The following RETREG1 variants were observed in gnomAD, a reference collection of about 807,000 sequenced individuals.
The protein encoded by RETREG1 is reticulophagy regulator 1, also known as family with sequence similarity 134 member B.
RETREG1 carries 44 observed loss-of-function variants against 54.8 expected under a neutral mutation model. That is an observed-to-expected ratio of 0.80 (90% confidence interval 0.63 to 1.03). RETREG1 has a LOEUF of 1.03. Among genes scored for constraint, RETREG1 ranks in the 50% least tolerant of loss-of-function variants. The pLI, the probability that RETREG1 is intolerant of heterozygous loss-of-function variation, is 0.00. For synonymous variants in RETREG1, 217 were observed against 238.5 expected, an observed-to-expected ratio of 0.91 and a Z score of 0.83; for missense variants, 554 against 605.1, an observed-to-expected ratio of 0.92 and a Z score of 0.89.
chr5:16,611,842 A>G (rs1743350024), intron 1 of RETREG1, among the ~76,000 whole-genome samples: 1 of 152,228 alleles, frequency 6.6e-6, no homozygotes, highest in African/African-American at 2.4e-5. Flanking sequence ...AGGCAGGCAG[A>G]TCACCTGAGA....
chr5:16,591,848 GA>G (rs1742783750), intron 1 of RETREG1, among the ~76,000 whole-genome samples: 1 of 152,136 alleles, frequency 6.6e-6, no homozygotes, highest in African/African-American at 2.4e-5. Context: ...CAGGGAACAA[GA>G]ATAAAAGAAT....
At position 16,564,391 on chromosome 5, in the gene RETREG1, TGACAATGTA is replaced by T. The variant is rs1370064139; in HGVS notation, c.458+1363_458+1371del. Among the ~76,000 whole-genome samples, 37 of 152,308 alleles carry T rather than the reference TGACAATGTA, an allele frequency of 2.4e-4. No homozygotes were observed. In the South Asian group the frequency reaches 4.4e-3, roughly 18 times the overall value. On this transcript the variant is annotated intron_variant, in intron 3 of 8. Transcript: ENST00000306320. Reference sequence around the variant, plus strand: ...TTATTTAAATGATTTCCCTAAAAGATGACAATGTAGAAAAAGCACTTGGAGCATGAAGCA... The same window carrying T: ...TTATTTAAATGATTTCCCTAAAAGATGAAAAAGCACTTGGAGCATGAAGCA...
chr5:16,535,789 G>T (rs113288559), intron 3 of RETREG1, among the ~76,000 whole-genome samples: 717 of 134,596 alleles, frequency 5.3e-3, no homozygotes, highest in Middle Eastern at 0.022. Flanking sequence ...TTCACGAAGT[G>T]GGAGCTGGGG....
chr5:16,522,059 T>G (rs1445941800), intron 3 of RETREG1, among the ~76,000 whole-genome samples: 2 of 151,690 alleles, frequency 1.3e-5, no homozygotes, highest in Non-Finnish European at 2.9e-5. Context: ...AGAGATTGCC[T>G]CAGACACTGA....
chr5:16,493,981 A>G (rs1739349314), intron 3 of RETREG1, among the ~76,000 whole-genome samples: 1 of 152,220 alleles, frequency 6.6e-6, no homozygotes, highest in Admixed American at 6.5e-5. Context: ...TGGAGTGACT[A>G]TCGCACATTA....
At chr5:16,480,912 T>C (rs1295998950) in intron 5 of RETREG1, 97 bp downstream of exon 5, 3 of 802,828 alleles carry the variant, frequency 3.7e-6, no homozygotes, top group Admixed American at 1.9e-5. Flanking sequence ...GTATTATAGT[T>C]AAGAACTCAT....
At chr5:16,531,601 TG>T (rs1403059629) in intron 3 of RETREG1, among the ~76,000 whole-genome samples, 1 of 151,988 alleles carries the variant, frequency 6.6e-6, no homozygotes, top group Non-Finnish European at 1.5e-5. Flanking sequence ...CTTGGAGGTC[TG>T]GGGGGTGGCA....
chr5:16,534,773 A>C (rs1251842169), intron 3 of RETREG1, among the ~76,000 whole-genome samples: 1 of 152,182 alleles, frequency 6.6e-6, no homozygotes, highest in East Asian at 1.9e-4. Flanking sequence ...AGTACCTGGG[A>C]TTGCTTCCTT....
At chr5:16,537,369 G>A (rs764974148) in intron 3 of RETREG1, among the ~76,000 whole-genome samples, 7 of 152,174 alleles carry the variant, frequency 4.6e-5, no homozygotes, top group East Asian at 1.9e-4. Flanking sequence ...GAAATTCCGC[G>A]GAGGCTCAGC....
intron 4 of RETREG1, 184 bp downstream of exon 4, chr5:16,483,162 G>A (rs1738874232): frequency 6.2e-6 from 4 of 640,138 alleles, no homozygotes; most frequent in Non-Finnish European, 1.1e-5. Context: ...ATGTGAGGCT[G>A]AGGATTATCT....
rs996048990 is a variant in RETREG1, at chr5:16,597,331, G to A, written c.320+19321C>T. Among the ~76,000 whole-genome samples the A allele has an allele frequency of 1.3e-5, 2 of 152,162 alleles. No individual in the cohort carries two copies. The highest frequency in any genetic ancestry group is 2.9e-5 in the Non-Finnish European group (2 of 68,034). ...GTGAACGGCCTAAAATATCTGACACGGGATAAGTGCTCCACACCCATTAGT... is the reference window on the plus strand; with the variant it reads ...GTGAACGGCCTAAAATATCTGACACAGGATAAGTGCTCCACACCCATTAGT... On this transcript the variant is annotated intron_variant, in intron 1 of 8. Coordinates refer to ENST00000306320, the MANE Select transcript of RETREG1 (RefSeq NM_001034850.3). This position sits in a 1 kb window ranked among gnomAD's most constrained non-coding sequence, Gnocchi z 4.3.
chr5:16,595,947 C>G (rs78687520), intron 1 of RETREG1, among the ~76,000 whole-genome samples: 2 of 152,172 alleles, frequency 1.3e-5, no homozygotes, highest in African/African-American at 2.4e-5. Context: ...TAGTGATTCT[C>G]ACACTAGGGA....
rs1402942496 is a variant in RETREG1, at chr5:16,474,641, AAGCTTAC to A, written c.*93_*99del. On this transcript the variant is annotated 3_prime_UTR_variant, in exon 9 of 9. Coordinates refer to ENST00000306320, the MANE Select transcript of RETREG1 (RefSeq NM_001034850.3). ...TAAAACAAATCTAAAGTAATCATTA[AAGCTTAC>A]AGTTCAATTTTTTTCTTTTCCTTTT... The A allele has an allele frequency of 1.4e-6, 2 of 1,429,962 alleles. No homozygotes were observed. The highest frequency in any genetic ancestry group is 2.9e-5 in the African/African-American group (2 of 69,440). 88.6% of individuals were successfully genotyped at this position (1,429,962 alleles called of 1,614,324 possible).
At chr5:16,587,271 A>T (rs1409980926) in intron 1 of RETREG1, among the ~76,000 whole-genome samples, 1 of 152,230 alleles carries the variant, frequency 6.6e-6, no homozygotes, top group Non-Finnish European at 1.5e-5. Flanking sequence ...AGCCCACCTT[A>T]GCTGGGTATT....
At chr5:16,587,808 T>C (rs1436784724) in intron 1 of RETREG1, among the ~76,000 whole-genome samples, 1 of 152,172 alleles carries the variant, frequency 6.6e-6, no homozygotes, top group Non-Finnish European at 1.5e-5. Flanking sequence ...GTGTGCTCAA[T>C]TGTTCTGCCT....
Position 16,483,419 on chromosome 5 carries a change from A to G in RETREG1, c.512T>C (p.Ile171Thr). 6.2e-7 allele frequency: 1 copy of G among 1,613,364 alleles called. No individual in the cohort carries two copies. The highest frequency in any genetic ancestry group is 8.5e-7 in the Non-Finnish European group (1 of 1,179,408). ...GCTGAAATTCATCCATGATTCTGCA[A>G]TACAGTGGCTGAGCCTGGGTCTTTC... ...PDERPRLSHC[I>T]AESWMNFSIF... The change falls in exon 4 of 9, where the codon ATT becomes ACT. Residue 171 changes from isoleucine to threonine, a missense_variant. Ile to Thr is a moderately conservative substitution (Grantham distance 89). Coordinates refer to ENST00000306320, the MANE Select transcript of RETREG1 (RefSeq NM_001034850.3).
At chr5:16,512,819 G>A (rs963749628) in intron 3 of RETREG1, among the ~76,000 whole-genome samples, 5 of 152,016 alleles carry the variant, frequency 3.3e-5, no homozygotes, top group African/African-American at 1.2e-4. Flanking sequence ...AGCCAAATGA[G>A]GCCTTCTGTG....
chr5:16,559,477 A>G (rs1385620046), intron 3 of RETREG1, among the ~76,000 whole-genome samples: 2 of 152,202 alleles, frequency 1.3e-5, no homozygotes, highest in Non-Finnish European at 2.9e-5. Flanking sequence ...CGCTAGGGGC[A>G]TCTGGATTCC....
At chr5:16,535,772 C>T (rs113559497) in intron 3 of RETREG1, among the ~76,000 whole-genome samples, 4 of 113,268 alleles carry the variant, frequency 3.5e-5, no homozygotes, top group African/African-American at 1.1e-4. Flanking sequence ...CCTGTGTGCA[C>T]GCTGCCTTCA....
Sources: gnomAD v4.1 joint callset for allele counts (sites outside exome capture counted in the v4.1 genomes callset) on GRCh38, gnomAD v4.1.1 for gene constraint, Gnocchi (gnomAD v3.1) non-coding constraint, MANE v1.5 for transcripts, NCBI Gene and HGNC (gene_info 2026-07-23, HGNC 2026-07-21) for gene names.